Variants in UGT1A7 observed in about 807,000 individuals in gnomAD.
The protein encoded by UGT1A7 is UDP glucuronosyltransferase family 1 member A7, also known as UDP-glucuronosyltransferase 1A7.
Under a neutral mutation model 45.6 loss-of-function variants are expected in UGT1A7, and 33 were observed. That is an observed-to-expected ratio of 0.72 (90% CI 0.55 to 0.97). The LOEUF is 0.97. Ranked by LOEUF, UGT1A7 falls within the 50% of genes least tolerant of loss-of-function variation. The pLI, the probability that UGT1A7 is intolerant of heterozygous loss-of-function variation, is 0.00. For missense variants in UGT1A7, 684 were observed against 666.2 expected, an observed-to-expected ratio of 1.03 and a Z score of -0.29; for synonymous variants, 274 against 250.6, an observed-to-expected ratio of 1.09 and a Z score of -0.88.
chr2:233,685,622 T>A (rs2074746645), intron 1 of UGT1A7, among the ~76,000 whole-genome samples: 1 of 152,242 alleles, frequency 6.6e-6, no homozygotes, highest in Non-Finnish European at 1.5e-5. Context: ...CAACTTTTTA[T>A]CATCAAAGTT....
At chr2:233,730,253 A>G (rs1350953092) in intron 1 of UGT1A7, among the ~76,000 whole-genome samples, 3 of 152,152 alleles carry the variant, frequency 2.0e-5, no homozygotes, top group Non-Finnish European at 4.4e-5. Context: ...TGTGACTCAT[A>G]GAGACTGTTG....
intron 1 of UGT1A7, chr2:233,729,744 A>G: frequency 1.2e-6 from 2 of 1,613,946 alleles, no homozygotes; most frequent in South Asian, 2.2e-5. Context: ...ACCACATGAC[A>G]TTCATGCAAA....
chr2:233,755,274 G>T, intron 1 of UGT1A7: 1 of 734,282 alleles, frequency 1.4e-6, no homozygotes, highest in Non-Finnish European at 2.1e-6. Flanking sequence ...CACTATGCTG[G>T]ACTGCCAAAG....
At chr2:233,701,241 G>A (rs1418250503) in intron 1 of UGT1A7, among the ~76,000 whole-genome samples, 2 of 152,066 alleles carry the variant, frequency 1.3e-5, no homozygotes, top group African/African-American at 4.8e-5. Context: ...ACCCAGTAAT[G>A]AGATGGCTGG....
rs188031736 is a variant in UGT1A7 at position 233,693,529 on chromosome 2, G to A, written c.855+10737G>A. The A allele has an allele frequency of 5.1e-5, 83 of 1,614,154 alleles. No homozygotes were observed. The Middle Eastern group carries it at 8.2e-4, about 16-fold the overall frequency. ...CTGTGTACCTCTTCAGGGGTTTTCC[G>A]TGTTCCCTGGAGCATACATTCAGCA... On this transcript the variant is annotated intron_variant, in intron 1 of 4. Transcript: ENST00000373426.
At chr2:233,747,502 C>A in intron 1 of UGT1A7, 1 of 1,608,242 alleles carries the variant, frequency 6.2e-7, no homozygotes, top group Non-Finnish European at 8.5e-7. Context: ...CTGGGCCACA[C>A]TCAACTGTAC....
At chr2:233,717,630 C>T (rs1290579754) in intron 1 of UGT1A7, among the ~76,000 whole-genome samples, 1 of 152,248 alleles carries the variant, frequency 6.6e-6, no homozygotes, top group Non-Finnish European at 1.5e-5. Flanking sequence ...CTGCCCACCT[C>T]ATCCTGGGGC....
chr2:233,728,405 T>C (rs1373851187), intron 1 of UGT1A7, among the ~76,000 whole-genome samples: 2 of 152,184 alleles, frequency 1.3e-5, no homozygotes, highest in Non-Finnish European at 2.9e-5. Context: ...CCATGTGTGC[T>C]TTAGATAGCA....
At chr2:233,760,983 C>G in intron 1 of UGT1A7, 2 of 1,614,178 alleles carry the variant, frequency 1.2e-6, no homozygotes, top group African/African-American at 1.3e-5. Context: ...CGTATGCAAC[C>G]CTTGCCTCAG....
chr2:233,686,153 A>G (rs1052829163), intron 1 of UGT1A7, among the ~76,000 whole-genome samples: 8 of 152,174 alleles, frequency 5.3e-5, no homozygotes, highest in African/African-American at 1.9e-4. Context: ...CTTGAAATGG[A>G]TCAAAGACCT....
intron 1 of UGT1A7, among the ~76,000 whole-genome samples, chr2:233,766,091 G>A (rs558812390): frequency 4.6e-5 from 7 of 152,254 alleles, no homozygotes; most frequent in African/African-American, 1.7e-4. Flanking sequence ...AAGGACAGAG[G>A]GCTTTCTGTA....
At chr2:233,694,574 G>A (rs1304688470) in intron 1 of UGT1A7, among the ~76,000 whole-genome samples, 2 of 152,168 alleles carry the variant, frequency 1.3e-5, no homozygotes, top group Admixed American at 1.3e-4. Flanking sequence ...AAATTTCAAT[G>A]TAAATATTTA....
chr2:233,747,487 T>A lies in UGT1A7; in HGVS notation c.856-19547T>A, dbSNP rs547060406. 1.9e-5 allele frequency: 31 copies of A among 1,608,702 alleles called. 1 individual carries two copies. In the South Asian group the frequency reaches 2.7e-4, roughly 14 times the overall value. On this transcript the variant is annotated intron_variant, in intron 1 of 4. Transcript: ENST00000373426. ...TGGACCCAGGATGAATTTGATCGCC[T>A]TGTGCTGGGCCACACTCAACTGTAC...
intron 1 of UGT1A7, among the ~76,000 whole-genome samples, chr2:233,697,712 T>C (rs1003078793): frequency 2.0e-5 from 3 of 152,126 alleles, no homozygotes; most frequent in East Asian, 1.9e-4. Flanking sequence ...CATTTATTGT[T>C]AAAAACTTCT....
In UGT1A7 at chr2:233,747,728, T is replaced by C. The variant is rs1488461574; in HGVS notation, c.856-19306T>C. 2.5e-6 allele frequency: 4 copies of C among 1,613,386 alleles called. No homozygotes were observed. In the African/African-American group the frequency reaches 4.0e-5, roughly 16 times the overall value. Reference sequence around the variant, plus strand: ...ACCTATCAATTCCTGCTGTGTTTTTTTTGAGGAACATTCCATGTGATTTAG... The same window carrying C: ...ACCTATCAATTCCTGCTGTGTTTTTCTTGAGGAACATTCCATGTGATTTAG... On this transcript the variant is annotated intron_variant, in intron 1 of 4. Coordinates refer to ENST00000373426, the MANE Select transcript of UGT1A7 (RefSeq NM_019077.3).
intron 1 of UGT1A7, among the ~76,000 whole-genome samples, chr2:233,694,117 G>A (rs972121995): frequency 2.6e-5 from 4 of 152,152 alleles, no homozygotes; most frequent in African/African-American, 9.7e-5. Flanking sequence ...ATCTGGGACA[G>A]TCACATACTC....
At chr2:233,717,440 C>T (rs1261238198) in intron 1 of UGT1A7, among the ~76,000 whole-genome samples, 1 of 152,238 alleles carries the variant, frequency 6.6e-6, no homozygotes, top group Non-Finnish European at 1.5e-5. Flanking sequence ...CTGATGGACG[C>T]ATCCATTCAC....
chr2:233,769,680 T>C lies in UGT1A7; in HGVS notation c.1295+1241T>C. On this transcript the variant is annotated intron_variant, in intron 4 of 4. Transcript: ENST00000373426. The surrounding 1 kb of genome is among the most constrained non-coding windows in gnomAD (Gnocchi z 4.4). The stretch of plus-strand genomic sequence containing the variant: ...CACCTTTGAGGTGCTAATGTGTGTG[T>C]GGTGGCACTGGATAAAAGATCAATG... 1 of 1,566,500 alleles carries C rather than the reference T, an allele frequency of 6.4e-7. No individual in the cohort carries two copies. The highest frequency in any genetic ancestry group is 8.7e-7 in the Non-Finnish European group (1 of 1,155,954).
intron 1 of UGT1A7, chr2:233,760,236 A>ATC: frequency 8.2e-6 from 13 of 1,590,176 alleles, no homozygotes; most frequent in Non-Finnish European, 1.1e-5. Context: ...TTTTTGCCAT[A>ATC]TATATATATA....
Sources: gnomAD v4.1 joint callset for allele counts (sites outside exome capture counted in the v4.1 genomes callset) on GRCh38, gnomAD v4.1.1 for gene constraint, Gnocchi (gnomAD v3.1) non-coding constraint, MANE v1.5 for transcripts, NCBI Gene and HGNC (gene_info 2026-07-23, HGNC 2026-07-21) for gene names.